The following CA6 variants were observed in gnomAD, a reference collection of about 807,000 sequenced individuals.
CA6 encodes carbonic anhydrase 6, also known as carbonate dehydratase VI.
CA6 carries 28 observed loss-of-function variants against 35.9 expected under a neutral mutation model. The ratio of observed to expected loss-of-function variants is 0.78; its 90% CI spans 0.58 to 1.07. The LOEUF is 1.07. CA6 is among the 50% of genes least tolerant of loss of function. The pLI is 0.00. For synonymous variants in CA6, 148 were observed against 152.6 expected, an observed-to-expected ratio of 0.97 and a Z score of 0.22; for missense variants, 377 against 382.0, an observed-to-expected ratio of 0.99 and a Z score of 0.11.
At chr1:8,964,897 C>G (rs543364176) in intron 5 of CA6, among the ~76,000 whole-genome samples, 1 of 152,178 alleles carries the variant, frequency 6.6e-6, no homozygotes, top group Non-Finnish European at 1.5e-5. Context: ...TGGGTGGAGT[C>G]AGGCTCTGTC....
At chr1:8,966,421 T>C (rs998603821) in intron 5 of CA6, among the ~76,000 whole-genome samples, 1 of 152,166 alleles carries the variant, frequency 6.6e-6, no homozygotes, top group Non-Finnish European at 1.5e-5. Context: ...TATGTTTATT[T>C]TTTGAGGAAC....
intron 2 of CA6, among the ~76,000 whole-genome samples, chr1:8,950,070 C>T (rs1482960406): frequency 6.6e-6 from 1 of 152,090 alleles, no homozygotes; most frequent in African/African-American, 2.4e-5. Context: ...ACCTCCACCT[C>T]CTGGGTTCAA....
rs1430741360 is a variant in CA6 at position 8,974,957 on chromosome 1, A to G, written c.*253A>G. Reference sequence around the variant, plus strand: ...CACCAGTGGAAATTGATTGGAATAGAAACTTAAAGGAAATGGAACCCTAAC... The same window carrying G: ...CACCAGTGGAAATTGATTGGAATAGGAACTTAAAGGAAATGGAACCCTAAC... On this transcript the variant is annotated 3_prime_UTR_variant, in exon 8 of 8. Coordinates refer to ENST00000377443, the MANE Select transcript of CA6 (RefSeq NM_001215.4). 5.8e-6 allele frequency: 2 copies of G among 344,942 alleles called. No homozygotes were observed. Among genetic ancestry groups the G allele is most frequent in the Non-Finnish European group, 1.0e-5 (2 of 193,434 alleles). The allele number at this position is 344,942 out of a possible 1,614,324, so 21.4% of individuals were successfully genotyped here.
At chr1:8,966,354 C>T (rs536446406) in intron 5 of CA6, among the ~76,000 whole-genome samples, 17 of 152,270 alleles carry the variant, frequency 1.1e-4, no homozygotes, top group African/African-American at 4.1e-4. Context: ...AGGTGATCCA[C>T]CCGCCTCGGC....
intron 7 of CA6, 68 bp from the exon 8 acceptor site, chr1:8,974,554 C>G (rs1640217227): frequency 7.1e-7 from 1 of 1,416,970 alleles, no homozygotes; most frequent in South Asian, 1.2e-5. Context: ...GTCTGGCCGT[C>G]CCCCTTCTCT....
chr1:8,971,170 GC>G (rs753777901), intron 7 of CA6, among the ~76,000 whole-genome samples, 189 bp downstream of exon 7: 56 of 152,218 alleles, frequency 3.7e-4, no homozygotes, highest in South Asian at 1.2e-3. Context: ...AGGCAGGGAT[GC>G]CAGTGAGTAG....
At chr1:8,953,908 G>A (rs757849144) in intron 2 of CA6, among the ~76,000 whole-genome samples, 8 of 152,146 alleles carry the variant, frequency 5.3e-5, no homozygotes, top group Non-Finnish European at 1.0e-4. Flanking sequence ...TTGCAGTAAA[G>A]AAGCCTGACA....
intron 5 of CA6, among the ~76,000 whole-genome samples, chr1:8,965,231 GCAA>G (rs761579925): frequency 4.6e-5 from 7 of 152,020 alleles, no homozygotes; most frequent in Non-Finnish European, 8.8e-5. Context: ...ACGACAGAGC[GCAA>G]CAACATCTCA....
intron 7 of CA6, 49 bp downstream of exon 7, chr1:8,971,030 T>G: frequency 8.2e-7 from 1 of 1,219,374 alleles, no homozygotes; most frequent in Non-Finnish European, 1.2e-6. Context: ...ACTCCTGTTT[T>G]GCTCCTTCCT....
At chr1:8,953,343 G>T (rs748909022) in intron 2 of CA6, among the ~76,000 whole-genome samples, 1 of 152,108 alleles carries the variant, frequency 6.6e-6, no homozygotes, top group African/African-American at 2.4e-5. Flanking sequence ...CCATATGCAG[G>T]CCAGGCATGG....
intron 5 of CA6, among the ~76,000 whole-genome samples, chr1:8,966,383 T>C (rs1256171885): frequency 6.6e-6 from 1 of 152,182 alleles, no homozygotes; most frequent in East Asian, 1.9e-4. Context: ...GTGCTGGGAT[T>C]ACAGGTGTGA....
chr1:8,970,202 T>A (rs61785761), intron 6 of CA6, among the ~76,000 whole-genome samples: 24,978 of 114,220 alleles, frequency 0.22, 2,464 homozygotes, highest in Admixed American at 0.31. Flanking sequence ...GAGACTCTGG[T>A]CTCAAAAAAA....
At chr1:8,957,105 A>G in intron 2 of CA6, 32 bp from the exon 3 acceptor site, 1 of 1,566,726 alleles carries the variant, frequency 6.4e-7, no homozygotes, top group African/African-American at 1.3e-5. Context: ...GTGTTCACCT[A>G]CTCTGCTCTC....
At chr1:8,974,457 T>C (rs1640214759) in intron 7 of CA6, 165 bp from the exon 8 acceptor site, 4 of 1,516,456 alleles carry the variant, frequency 2.6e-6, no homozygotes, top group Non-Finnish European at 3.5e-6. Flanking sequence ...TCAAACACAG[T>C]GAAGATGACT....
chr1:8,951,132 C>T (rs1639518791), intron 2 of CA6, among the ~76,000 whole-genome samples: 1 of 149,386 alleles, frequency 6.7e-6, no homozygotes. Flanking sequence ...AGGAGAATCA[C>T]TTGAACTCAG....
intron 2 of CA6, chr1:8,951,523 C>G (rs1639533642): frequency 1.3e-6 from 1 of 765,082 alleles, no homozygotes; most frequent in Non-Finnish European, 2.4e-6. Flanking sequence ...CCTCCCTGGA[C>G]AGCTGGTGGG....
At chr1:8,946,036 C>T in intron 1 of CA6, 71 bp downstream of exon 1, 1 of 904,668 alleles carries the variant, frequency 1.1e-6, no homozygotes, top group Non-Finnish European at 1.7e-6. Context: ...TGCCCTTCTT[C>T]TTCTTCTTTT....
At chr1:8,947,898 G>C (rs1639409237) in intron 1 of CA6, among the ~76,000 whole-genome samples, 1 of 150,848 alleles carries the variant, frequency 6.6e-6, no homozygotes, top group Non-Finnish European at 1.5e-5. Context: ...AGGCTGGAGT[G>C]CAGTGGCGCG....
At position 8,947,254 on chromosome 1, in the gene CA6, G is replaced by A. The variant is rs544857083; in HGVS notation, c.79+1289G>A. ...GGGGCAGTGAGGAGAGCTTCTTCCCGCATCCCCCTTCTTTCCATACGGGAC... is the reference window on the plus strand; with the variant it reads ...GGGGCAGTGAGGAGAGCTTCTTCCCACATCCCCCTTCTTTCCATACGGGAC... On this transcript the variant is annotated intron_variant, in intron 1 of 7. Transcript: ENST00000377443. Among the ~76,000 whole-genome samples the A allele has an allele frequency of 6.6e-5, 10 of 152,168 alleles. No homozygotes were observed. In the East Asian group the frequency reaches 1.5e-3, roughly 24 times the overall value.
Sources: gnomAD v4.1 joint callset for allele counts (sites outside exome capture counted in the v4.1 genomes callset) on GRCh38, gnomAD v4.1.1 for gene constraint, MANE v1.5 for transcripts, NCBI Gene and HGNC (gene_info 2026-07-23, HGNC 2026-07-21) for gene names.